GPM6B: variants seen among roughly 807,000 people sequenced by gnomAD.
GPM6B encodes the protein neuronal membrane glycoprotein M6-b.
A neutral mutation model predicts 27.2 loss-of-function variants in GPM6B; 4 were observed. The observed-to-expected ratio is 0.15, with a 90% CI of 0.07 to 0.34. The LOEUF is 0.34. Among genes scored for constraint, GPM6B ranks in the 10% least tolerant of loss-of-function variants. The probability of loss-of-function intolerance (pLI) is 1.00; values close to 1 mark genes in which losing one functional copy is unlikely to be tolerated. For missense variants in GPM6B, 183 were observed against 261.9 expected, an observed-to-expected ratio of 0.70 and a Z score of 2.08; for synonymous variants, 124 against 103.1, an observed-to-expected ratio of 1.20 and a Z score of -1.23.
At chrX:13,921,575 C>A (rs1027142915) in intron 1 of GPM6B, among the ~76,000 whole-genome samples, 1 of 59,982 alleles carries the variant, frequency 1.7e-5, no homozygotes, top group Non-Finnish European at 3.5e-5. Context: ...ATTTATAACC[C>A]CCCCCCTTTT....
intron 1 of GPM6B, among the ~76,000 whole-genome samples, chrX:13,828,929 G>T (rs2049407536): frequency 8.9e-6 from 1 of 111,973 alleles, no homozygotes; most frequent in Non-Finnish European, 1.9e-5. Context: ...CAAGAAGCTG[G>T]TCAGAAGCTG....
At chrX:13,874,006 C>T (rs550323645) in intron 1 of GPM6B, among the ~76,000 whole-genome samples, 2 of 111,141 alleles carry the variant, frequency 1.8e-5, no homozygotes, top group African/African-American at 6.5e-5. Flanking sequence ...AGCAATAACA[C>T]GAGAATACTT....
At chrX:13,797,239 G>C (rs2048832982) in intron 2 of GPM6B, among the ~76,000 whole-genome samples, 1 of 111,446 alleles carries the variant, frequency 9.0e-6, no homozygotes, top group African/African-American at 3.3e-5. Context: ...GATCCTTGTG[G>C]GTGGGGTGAG....
intron 6 of GPM6B, among the ~76,000 whole-genome samples, 192 bp from the exon 7 acceptor site, chrX:13,776,495 G>C (rs1207494774): frequency 9.0e-6 from 1 of 111,725 alleles, no homozygotes; most frequent in African/African-American, 3.3e-5. Flanking sequence ...CTGATGCCCA[G>C]ACTGCCCCCC....
intron 2 of GPM6B, 87 bp downstream of exon 2, chrX:13,807,563 A>G: frequency 1.3e-6 from 1 of 779,793 alleles, no homozygotes; most frequent in East Asian, 3.4e-5. Context: ...AAAACATAAA[A>G]TATCACCAAG....
intron 2 of GPM6B, among the ~76,000 whole-genome samples, chrX:13,792,620 G>A (rs975955460): frequency 1.8e-5 from 2 of 111,743 alleles, no homozygotes; most frequent in Non-Finnish European, 3.8e-5. Flanking sequence ...TAAAACTCTG[G>A]GCCGGGCGGG....
intron 2 of GPM6B, among the ~76,000 whole-genome samples, chrX:13,787,717 C>T (rs2048639669): frequency 8.9e-6 from 1 of 112,060 alleles, no homozygotes; most frequent in African/African-American, 3.2e-5. Flanking sequence ...AGGAATGCAA[C>T]TCAAAGTCCA....
At chrX:13,933,209 T>C (rs1023035563) in intron 1 of GPM6B, among the ~76,000 whole-genome samples, 7 of 111,832 alleles carry the variant, frequency 6.3e-5, no homozygotes, top group African/African-American at 1.3e-4. Flanking sequence ...CAATGAACAT[T>C]GGGGTATAAC....
At chrX:13,776,924 A>G (rs1409528840) in intron 6 of GPM6B, among the ~76,000 whole-genome samples, 1 of 111,950 alleles carries the variant, frequency 8.9e-6, no homozygotes, top group Non-Finnish European at 1.9e-5. Flanking sequence ...AGTTGGGTAT[A>G]TACACAAATT....
chrX:13,933,170 G>C (rs535070226), intron 1 of GPM6B, among the ~76,000 whole-genome samples: 1 of 111,759 alleles, frequency 8.9e-6, no homozygotes, highest in South Asian at 3.8e-4. Flanking sequence ...ACAAATATTT[G>C]TGTAACACCT....
upstream of GPM6B, among the ~76,000 whole-genome samples, chrX:13,821,632 T>C (rs765528388): frequency 1.4e-4 from 16 of 112,262 alleles, no homozygotes; most frequent in Admixed American, 2.8e-4. Flanking sequence ...GTTTTGCTCT[T>C]GTTGCCTAGG....
intron 1 of GPM6B, among the ~76,000 whole-genome samples, chrX:13,868,100 C>T (rs1032751656): frequency 9.0e-6 from 1 of 111,608 alleles, no homozygotes; most frequent in East Asian, 2.8e-4. Flanking sequence ...CTTCATTTCA[C>T]ATTCAGGTGA....
chrX:13,894,800 G>T (rs1250185608), intron 1 of GPM6B, among the ~76,000 whole-genome samples: 1 of 112,156 alleles, frequency 8.9e-6, no homozygotes, highest in Non-Finnish European at 1.9e-5. Flanking sequence ...CAACAAAAGG[G>T]TCTGCTGTTT....
chrX:13,867,746 A>C (rs2049934563), intron 1 of GPM6B, among the ~76,000 whole-genome samples: 1 of 111,904 alleles, frequency 8.9e-6, no homozygotes, highest in African/African-American at 3.3e-5. Flanking sequence ...TCATGGGAAC[A>C]AACGGTTGTA....
intron 1 of GPM6B, among the ~76,000 whole-genome samples, chrX:13,914,153 A>T (rs1456241045): frequency 1.8e-5 from 2 of 112,361 alleles, no homozygotes; most frequent in Admixed American, 9.5e-5. Context: ...GTGTATCATT[A>T]TTCTGAAAGA....
chrX:13,774,093 A>G, intron 7 of GPM6B: 10 of 753,148 alleles, frequency 1.3e-5, no homozygotes, highest in Non-Finnish European at 1.6e-5. Flanking sequence ...ACATATTTGC[A>G]AAGTATTTTC....
intron 1 of GPM6B, among the ~76,000 whole-genome samples, chrX:13,837,170 G>C (rs1334394826): frequency 9.8e-5 from 11 of 112,037 alleles, no homozygotes; most frequent in South Asian, 7.4e-4. Context: ...ATGAAACCAC[G>C]ACATGACAGC....
chrX:13,870,375 C>A (rs1322916499), intron 1 of GPM6B, among the ~76,000 whole-genome samples: 1 of 112,321 alleles, frequency 8.9e-6, no homozygotes, highest in Non-Finnish European at 1.9e-5. Context: ...TCTGTGAAGC[C>A]TTTTAAACAT....
Position 13,836,819 on chromosome X carries a change from G to A in GPM6B, c.-197-51011C>T, listed in dbSNP as rs2049499984. Among the ~76,000 whole-genome samples the A allele has an allele frequency of 4.4e-5, 5 of 112,398 alleles. 1 individual carries two copies. The South Asian group carries it at 1.8e-3, about 41-fold the overall frequency. On this transcript the variant is annotated intron_variant, in intron 1 of 6. Coordinates refer to the GPM6B transcript ENST00000398361. The stretch of plus-strand genomic sequence containing the variant: ...TTTCAATTTGGAAGCACTTTTGCAG[G>A]TCTTAATAGCTGTTTGCTAATGCAT...
Sources: gnomAD v4.1 joint callset for allele counts (sites outside exome capture counted in the v4.1 genomes callset) on GRCh38, gnomAD v4.1.1 for gene constraint, MANE v1.5 for transcripts, NCBI Gene and HGNC (gene_info 2026-07-23, HGNC 2026-07-21) for gene names.